LYST: variants seen among roughly 807,000 people sequenced by gnomAD.
LYST encodes lysosomal trafficking regulator, also known as lysosomal-trafficking regulator.
A neutral mutation model predicts 413.6 loss-of-function variants in LYST; 192 were observed. That is an observed-to-expected ratio of 0.46 (90% CI 0.41 to 0.52). The LOEUF (loss-of-function observed/expected upper bound fraction) is 0.52, where lower values mean the gene tolerates loss of function less well. Among genes scored for constraint, LYST ranks in the 20% least tolerant of loss-of-function variants. LYST has a pLI of 0.00. For synonymous variants in LYST, 1,525 were observed against 1,567.3 expected (o/e 0.97, Z 0.64); for missense variants, 3,815 against 4,499.9 (o/e 0.85, Z 4.35).
At chr1:235,765,769 G>A (rs373606472) in intron 21 of LYST, among the ~76,000 whole-genome samples, 10 of 152,126 alleles carry the variant, frequency 6.6e-5, no homozygotes, top group Admixed American at 1.3e-4. Flanking sequence ...CACAGTGGTC[G>A]GATGAAACCC....
chr1:235,800,375 T>G lies in LYST; in HGVS notation c.3951A>C (p.Lys1317Asn), dbSNP rs1198359356. The change falls in exon 10 of 53, where the codon AAA becomes AAC. Residue 1317 changes from lysine (K) to asparagine (N), a missense_variant. By Grantham distance (94) the Lys-to-Asn change is moderately conservative. Transcript: ENST00000389793. ...TACTCAAGAACCCTCCTAAAAGATT[T>G]TTCACAGTTCCCTGAAGATTAAAAA... ...VFLLMQQGTV[K>N]NLLGGFLSIL... The G allele has an allele frequency of 6.3e-7, 1 of 1,578,252 alleles. No individual in the cohort carries two copies. The highest frequency in any genetic ancestry group is 1.1e-5 in the South Asian group (1 of 90,358).
intron 50 of LYST, among the ~76,000 whole-genome samples, chr1:235,665,455 C>T (rs1165981374): frequency 2.6e-5 from 4 of 151,058 alleles, no homozygotes; most frequent in Admixed American, 2.6e-4. Flanking sequence ...ACTAAAAATA[C>T]AAAAAAATTA....
chr1:235,741,450 A>G lies in LYST; in HGVS notation c.8330T>C (p.Leu2777Pro). The change falls in exon 31 of 53, where the codon CTA (leucine) becomes CCA (proline). Residue 2777 changes from leucine to proline, a missense_variant. By Grantham distance (98) the Leu-to-Pro change is moderately conservative. Coordinates refer to ENST00000389793, the MANE Select transcript of LYST (RefSeq NM_000081.4). ...TAGGGATGGGCTGAGACAGTCTCGT[A>G]GTATTTCCTGATGATTTGGTTCATG... Reference protein sequence around the residue: ...IVHEPNHQEILRDCLSPSLQH... With the variant: ...IVHEPNHQEIPRDCLSPSLQH... 6.2e-7 allele frequency: 1 copy of G among 1,614,090 alleles called. No individual in the cohort carries two copies. Among genetic ancestry groups the G allele is most frequent in the Non-Finnish European group, 8.5e-7 (1 of 1,179,962 alleles).
chr1:235,830,300 C>T lies in LYST; in HGVS notation c.118G>A (p.Ala40Thr), dbSNP rs906884088. ...TGGACAAGGTACTGTCCAAGGGTTG[C>T]CATGTGCGTCTCCTCCTCTTCTTCC... ...REEEEEETHM[A>T]TLGQYLVHGR... is the part of the protein sequence containing the mutation. Residue 40 changes from alanine (A) to threonine (T), a missense_variant, in exon 3 of 53, where the codon GCA (alanine) becomes ACA (threonine). Physicochemically the swap from Ala to Thr is moderately conservative, Grantham distance 58. Around this residue, in one of 4 missense-constraint regions of LYST, gnomAD observed 1,648 missense variants for 1,810.3 expected, o/e 0.91. Transcript: ENST00000389793. 6.2e-7 allele frequency: 1 copy of T among 1,613,978 alleles called. No individual in the cohort carries two copies. The highest frequency in any genetic ancestry group is 8.5e-7 in the Non-Finnish European group (1 of 1,179,880).
chr1:235,752,198 C>T (rs775076798), intron 26 of LYST, 27 bp from the exon 27 acceptor site: 3 of 1,535,588 alleles, frequency 2.0e-6, no homozygotes, highest in Admixed American at 1.7e-5. Context: ...AAGAAGAAAA[C>T]AGAACATTTA....
At position 235,663,114 on chromosome 1, in the gene LYST, A is replaced by G; in HGVS notation, c.11268-36T>C. On this transcript the variant is annotated intron_variant, in intron 52 of 52. Transcript: ENST00000389793. ...AAAAAAATTCCCATTTGTACATTAT[A>G]TTTCTTAAAAGTGTATTAGCATATT... 2.1e-6 allele frequency: 3 copies of G among 1,429,610 alleles called. No homozygotes were observed. The South Asian group carries it at 3.4e-5, about 16-fold the overall frequency. The allele number at this position is 1,429,610 out of a possible 1,614,324, so 88.6% of individuals were successfully genotyped here. A position where few individuals can be genotyped will look rare whatever the true frequency, so the allele number is the denominator to read the frequency against.
intron 28 of LYST, 115 bp downstream of exon 28, chr1:235,751,094 CT>C (rs1340888040): frequency 9.4e-7 from 1 of 1,061,664 alleles, no homozygotes; most frequent in Non-Finnish European, 1.4e-6. Context: ...AGGAAAAAAT[CT>C]TTCTTAAATT....
chr1:235,741,095 G>GTAATA (rs1665362983), intron 31 of LYST, among the ~76,000 whole-genome samples: 1 of 152,040 alleles, frequency 6.6e-6, no homozygotes, highest in Non-Finnish European at 1.5e-5. Flanking sequence ...TGTTTCACAG[G>GTAATA]TAATATAATG....
rs879438284 is a variant in LYST, at chr1:235,837,856, T to C, written c.-97-4189A>G. ...GTGATGGCTTGAGGAGGACATGAGA[T>C]AAGTGAGGTTAAAAAAAAACCTGAT... On this transcript the variant is annotated intron_variant, in intron 1 of 52. Coordinates refer to ENST00000389793, the MANE Select transcript of LYST (RefSeq NM_000081.4). Among the ~76,000 whole-genome samples, 7 of 151,310 alleles carry C rather than the reference T, an allele frequency of 4.6e-5. No individual in the cohort carries two copies. The East Asian group carries it at 1.4e-3, about 29-fold the overall frequency.
At chr1:235,740,623 T>C (rs886682633) in intron 31 of LYST, among the ~76,000 whole-genome samples, 4 of 152,214 alleles carry the variant, frequency 2.6e-5, no homozygotes, top group Admixed American at 6.5e-5. Flanking sequence ...TGTATAATAG[T>C]CTATATGGTG....
chr1:235,875,051 C>T (rs144415748), intron 1 of LYST, among the ~76,000 whole-genome samples: 58 of 152,188 alleles, frequency 3.8e-4, no homozygotes, highest in African/African-American at 1.4e-3. Flanking sequence ...ACACGATCCC[C>T]GGGTGATTTA....
intron 3 of LYST, chr1:235,828,266 G>A (rs899182359): frequency 2.2e-6 from 1 of 447,836 alleles, no homozygotes; most frequent in Non-Finnish European, 3.0e-6. Flanking sequence ...TTAGGGGTAG[G>A]GGAATGGAAG....
chr1:235,730,541 A>G lies in LYST; in HGVS notation c.9044+306T>C, dbSNP rs556568529. Among the ~76,000 whole-genome samples the G allele has an allele frequency of 3.4e-3, 506 of 151,020 alleles. 3 individuals carry two copies. The highest frequency in any genetic ancestry group is 6.0e-3 in the Non-Finnish European group (407 of 67,848). ...TATGGGTATATATATATGTACCCATATATGTGTATATATATACATATTTAT... is the reference window on the plus strand; with the variant it reads ...TATGGGTATATATATATGTACCCATGTATGTGTATATATATACATATTTAT... On this transcript the variant is annotated intron_variant, in intron 36 of 52. Transcript: ENST00000389793.
chr1:235,814,501 C>T (rs1673821739), intron 3 of LYST, among the ~76,000 whole-genome samples: 1 of 151,998 alleles, frequency 6.6e-6, no homozygotes, highest in South Asian at 2.1e-4. Context: ...TGAAAAATAG[C>T]CCCAAGAAAG....
At chr1:235,728,338 A>T (rs867392680) in intron 37 of LYST, among the ~76,000 whole-genome samples, 4 of 151,184 alleles carry the variant, frequency 2.6e-5, no homozygotes, top group African/African-American at 7.3e-5. Flanking sequence ...TTTCTTTATT[A>T]AAAAAAAAGG....
intron 46 of LYST, 109 bp from the exon 47 acceptor site, chr1:235,693,595 T>G: frequency 1.6e-6 from 2 of 1,226,874 alleles, no homozygotes; most frequent in Non-Finnish European, 2.4e-6. Context: ...GAACATATCA[T>G]TTGGTGCAAG....
At chr1:235,762,647 T>C in intron 22 of LYST, 73 bp downstream of exon 22, 1 of 1,464,042 alleles carries the variant, frequency 6.8e-7, no homozygotes, top group Non-Finnish European at 9.5e-7. Flanking sequence ...TTCTAAAATA[T>C]GTACAATTTA....
chr1:235,674,279 G>T lies in LYST; in HGVS notation c.11038+2812C>A, dbSNP rs183122188. Reference sequence around the variant, plus strand: ...GTTTTCATCCCCAAGCGGATGTATGGTAGTATTGTAGTGGACCACTATTAA... The same window carrying T: ...GTTTTCATCCCCAAGCGGATGTATGTTAGTATTGTAGTGGACCACTATTAA... On this transcript the variant is annotated intron_variant, in intron 50 of 52. Transcript: ENST00000389793. This position sits in a 1 kb window ranked among gnomAD's most constrained non-coding sequence, Gnocchi z 4.1. Among the ~76,000 whole-genome samples the T allele has an allele frequency of 4.6e-5, 7 of 152,204 alleles. No individual in the cohort carries two copies. Among genetic ancestry groups the T allele is most frequent in the African/African-American group, 1.7e-4 (7 of 41,536 alleles).
intron 30 of LYST, 147 bp downstream of exon 30, chr1:235,743,832 T>C (rs879361420): frequency 5.5e-5 from 31 of 566,066 alleles, no homozygotes; most frequent in Admixed American, 2.9e-4. Flanking sequence ...TATTATTCTA[T>C]AATTAAAAAT....
Sources: allele counts gnomAD v4.1 joint callset (sites outside exome capture counted in the v4.1 genomes callset), GRCh38; gene constraint gnomAD v4.1.1; regional missense constraint gnomAD v4.1.1; non-coding constraint Gnocchi (gnomAD v3.1); transcripts MANE v1.5; gene names NCBI Gene and HGNC (gene_info 2026-07-23, HGNC 2026-07-21).